The following ABAT variants were observed in gnomAD, a reference collection of about 807,000 sequenced individuals.
ABAT encodes 4-aminobutyrate aminotransferase, mitochondrial.
ABAT carries 45 observed loss-of-function variants against 64.6 expected under a neutral mutation model. The ratio of observed to expected loss-of-function variants is 0.70; its 90% confidence interval spans 0.55 to 0.89. The LOEUF (loss-of-function observed/expected upper bound fraction) is 0.89. Among genes scored for constraint, ABAT ranks in the 40% least tolerant of loss-of-function variants. ABAT has a pLI of 0.00. For synonymous variants in ABAT, 297 were observed against 250.5 expected (o/e 1.19, Z -1.75); for missense variants, 633 against 658.4 (o/e 0.96, Z 0.42).
intron 1 of ABAT, among the ~76,000 whole-genome samples, chr16:8,729,117 C>T (rs1277236201): frequency 6.7e-6 from 1 of 149,472 alleles, no homozygotes; most frequent in Non-Finnish European, 1.5e-5. Context: ...GACCATCCTT[C>T]ACAACGTGAG....
At chr16:8,708,596 T>G (rs116817341) in intron 1 of ABAT, among the ~76,000 whole-genome samples, 1,742 of 152,304 alleles carry the variant, frequency 0.011, 41 homozygotes, top group African/African-American at 0.039. Flanking sequence ...CCAGCGCACC[T>G]GGCCAATCAA....
intron 5 of ABAT, among the ~76,000 whole-genome samples, chr16:8,756,806 A>C (rs978264522): frequency 6.6e-6 from 1 of 152,228 alleles, no homozygotes; most frequent in Non-Finnish European, 1.5e-5. Flanking sequence ...TGAGAGTGTC[A>C]CAATTAAGAT....
chr16:8,750,465 G>A lies in ABAT; in HGVS notation c.242G>A (p.Arg81Gln), dbSNP rs1480880236. ...VHFFCNYEES[R>Q]GNYLVDVDGN... ...TTTTTCTGCAATTACGAAGAGAGCCGAGGCAATTACCTGGTTGATGTGGAC... is the reference window on the plus strand; with the variant it reads ...TTTTTCTGCAATTACGAAGAGAGCCAAGGCAATTACCTGGTTGATGTGGAC... The change falls in exon 5 of 16, where the codon CGA becomes CAA. Residue 81 changes from arginine (R) to glutamine (Q), a missense_variant. Coordinates refer to ENST00000268251, the MANE Select transcript of ABAT (RefSeq NM_020686.6). 4.3e-6 allele frequency: 7 copies of A among 1,614,174 alleles called. No individual in the cohort carries two copies. The highest frequency in any genetic ancestry group is 2.2e-5 in the East Asian group (1 of 44,884).
chr16:8,744,417 A>T (rs920866750), intron 2 of ABAT, among the ~76,000 whole-genome samples: 8 of 151,802 alleles, frequency 5.3e-5, no homozygotes, highest in African/African-American at 1.9e-4. Flanking sequence ...ACCCAGTCTG[A>T]AGTGCAGTGG....
At chr16:8,766,145 GA>G in intron 8 of ABAT, 62 bp from the exon 9 acceptor site, 1 of 1,515,444 alleles carries the variant, frequency 6.6e-7, no homozygotes, top group South Asian at 1.1e-5. Context: ...GGTTTGGTTG[GA>G]AAGATGAAGC....
chr16:8,679,954 G>T (rs1209713938), intron 1 of ABAT, among the ~76,000 whole-genome samples: 3 of 152,078 alleles, frequency 2.0e-5, no homozygotes, highest in Non-Finnish European at 4.4e-5. Flanking sequence ...GCCCGTTGCA[G>T]GGATGGGATG....
At chr16:8,750,339 C>T (rs2059443267) in intron 4 of ABAT, 83 bp from the exon 5 acceptor site, 1 of 1,159,258 alleles carries the variant, frequency 8.6e-7, no homozygotes, top group East Asian at 2.3e-5. Context: ...ATATGGTGTA[C>T]TTCACTGATT....
chr16:8,733,136 C>A (rs923796831), intron 1 of ABAT, among the ~76,000 whole-genome samples: 6 of 149,000 alleles, frequency 4.0e-5, no homozygotes, highest in Non-Finnish European at 8.9e-5. Flanking sequence ...GACCCCCCCC[C>A]ACCTCCCTCC....
intron 1 of ABAT, chr16:8,715,375 TG>T (rs893549434): frequency 1.3e-5 from 2 of 152,092 alleles, no homozygotes; most frequent in African/African-American, 4.8e-5. Context: ...CCCAGTGCTT[TG>T]GGAGTCCGAG....
chr16:8,697,402 C>T (rs190269541), intron 1 of ABAT, among the ~76,000 whole-genome samples: 43 of 152,192 alleles, frequency 2.8e-4, no homozygotes, highest in Non-Finnish European at 4.6e-4. Context: ...AACAAGACCT[C>T]GATGGGATCA....
In ABAT at chr16:8,776,743, T is replaced by G. The variant is rs1449279761; in HGVS notation, c.1269+253T>G. Among the ~76,000 whole-genome samples the G allele has an allele frequency of 1.3e-5, 2 of 152,090 alleles. No homozygotes were observed. Among genetic ancestry groups the G allele is most frequent in the African/African-American group, 4.8e-5 (2 of 41,420 alleles). Reference sequence around the variant, plus strand: ...CTTTGTTGTTGTTTTTTTTAATTTATTTTTTATTTTTTTAATATTGAGACA... The same window carrying G: ...CTTTGTTGTTGTTTTTTTTAATTTAGTTTTTATTTTTTTAATATTGAGACA... On this transcript the variant is annotated intron_variant, in intron 14 of 15. Coordinates refer to ENST00000268251, the MANE Select transcript of ABAT (RefSeq NM_020686.6). This position sits in a 1 kb window ranked among gnomAD's most constrained non-coding sequence, Gnocchi z 4.4.
At chr16:8,777,011 G>A (rs1455765524) in intron 14 of ABAT, among the ~76,000 whole-genome samples, 3 of 152,148 alleles carry the variant, frequency 2.0e-5, no homozygotes, top group African/African-American at 7.2e-5. Context: ...AGATTCTCCG[G>A]CCTCAGCCTC....
intron 2 of ABAT, among the ~76,000 whole-genome samples, chr16:8,737,786 G>A (rs1028579784): frequency 1.3e-5 from 2 of 150,476 alleles, no homozygotes; most frequent in East Asian, 3.9e-4. Context: ...AAATTAGCCG[G>A]GTGTGGTGGC....
chr16:8,679,339 C>T (rs1344476), intron 1 of ABAT, among the ~76,000 whole-genome samples: 89,058 of 151,716 alleles, frequency 0.59, 26,575 homozygotes, highest in East Asian at 0.77. Flanking sequence ...TCTCAGCAGG[C>T]CAAGCCTCCT....
chr16:8,686,559 A>C (rs2057460887), intron 1 of ABAT, among the ~76,000 whole-genome samples: 1 of 152,212 alleles, frequency 6.6e-6, no homozygotes, highest in Non-Finnish European at 1.5e-5. Flanking sequence ...CTTGTCGCTC[A>C]CAACAGCCCT....
chr16:8,732,698 G>A (rs112436462), intron 1 of ABAT, among the ~76,000 whole-genome samples: 104,998 of 150,270 alleles, frequency 0.7, 38,266 homozygotes, highest in Non-Finnish European at 0.79. Flanking sequence ...CCACAAAACC[G>A]CCATTGTCAT....
intron 1 of ABAT, among the ~76,000 whole-genome samples, chr16:8,720,530 A>G (rs1184646555): frequency 2.0e-5 from 3 of 152,236 alleles, no homozygotes; most frequent in Non-Finnish European, 1.5e-5. Flanking sequence ...GGGGAAAGTC[A>G]GAAGAGGCTG....
intron 1 of ABAT, among the ~76,000 whole-genome samples, chr16:8,682,352 G>C (rs1211798188): frequency 1.3e-5 from 2 of 152,104 alleles, no homozygotes; most frequent in Non-Finnish European, 2.9e-5. Context: ...TGAATGAATG[G>C]ATGAATAAAT....
chr16:8,733,257 C>T (rs1271969436), intron 1 of ABAT, among the ~76,000 whole-genome samples: 1 of 151,498 alleles, frequency 6.6e-6, no homozygotes. Flanking sequence ...AGACGCTCCT[C>T]ACTTCCTAGA....
Sources: gnomAD v4.1 joint callset for allele counts (sites outside exome capture counted in the v4.1 genomes callset) on GRCh38, gnomAD v4.1.1 for gene constraint, Gnocchi (gnomAD v3.1) non-coding constraint, MANE v1.5 for transcripts, NCBI Gene and HGNC (gene_info 2026-07-23, HGNC 2026-07-21) for gene names.